TUSC3: variants seen among roughly 807,000 people sequenced by gnomAD.
TUSC3 encodes tumor suppressor candidate 3.
TUSC3 carries 45 observed loss-of-function variants against 44.8 expected under a neutral mutation model. That is an observed-to-expected ratio of 1.00 (90% CI 0.79 to 1.29). TUSC3 has a LOEUF of 1.29. Ranked by LOEUF, TUSC3 falls within the 50% of genes most tolerant of loss-of-function variation. The pLI, the probability that TUSC3 is intolerant of heterozygous loss-of-function variation, is 0.00. For missense variants in TUSC3, 519 were observed against 437.9 expected, an observed-to-expected ratio of 1.19 and a Z score of -1.65; for synonymous variants, 212 against 152.9, an observed-to-expected ratio of 1.39 and a Z score of -2.85.
At chr8:15,776,202 A>G in the TUSC3 span, among the ~76,000 whole-genome samples, 2 of 152,254 alleles carry the variant, frequency 1.3e-5, no homozygotes, top group East Asian at 3.9e-4. Flanking sequence ...CCTAATTTTA[A>G]AGCTAAAATT....
At chr8:15,748,637 G>T (rs1240084937) in intron 9 of TUSC3, 172 bp downstream of exon 9, 9 of 745,792 alleles carry the variant, frequency 1.2e-5, no homozygotes. Flanking sequence ...GTACACAAAG[G>T]AGATATAAGG....
At chr8:15,509,549 A>T (rs555679226) in intron 2 of TUSC3, among the ~76,000 whole-genome samples, 1 of 152,156 alleles carries the variant, frequency 6.6e-6, no homozygotes, top group Non-Finnish European at 1.5e-5. Flanking sequence ...CTGAGGTTGC[A>T]GTGAGCCGAG....
chr8:15,451,586 A>T (rs985210720), intron 1 of TUSC3, among the ~76,000 whole-genome samples: 1 of 152,178 alleles, frequency 6.6e-6, no homozygotes, highest in African/African-American at 2.4e-5. Flanking sequence ...CCCTTTCCCT[A>T]TACCTTGCCA....
intron 6 of TUSC3, among the ~76,000 whole-genome samples, chr8:15,684,601 G>A (rs1808552078): frequency 6.6e-6 from 1 of 152,256 alleles, no homozygotes; most frequent in East Asian, 1.9e-4. Flanking sequence ...CTGTCAGGCT[G>A]CGTTCCTCCC....
chr8:15,513,552 T>A (rs1295549769), intron 2 of TUSC3, among the ~76,000 whole-genome samples: 1 of 152,192 alleles, frequency 6.6e-6, no homozygotes, highest in Non-Finnish European at 1.5e-5. Context: ...TAAACTTAGG[T>A]CCTTTTTAGA....
At chr8:15,639,156 C>T (rs1273185333) in intron 2 of TUSC3, among the ~76,000 whole-genome samples, 1 of 148,510 alleles carries the variant, frequency 6.7e-6, no homozygotes, top group Non-Finnish European at 1.5e-5. Flanking sequence ...CAGTGATGAT[C>T]ATGTGTCGAT....
At chr8:15,783,136 T>G in the TUSC3 span, among the ~76,000 whole-genome samples, 1 of 151,940 alleles carries the variant, frequency 6.6e-6, no homozygotes, top group African/African-American at 2.4e-5. Context: ...TACTTAGGAG[T>G]AAATTTAACC....
At chr8:15,813,110 A>T in the TUSC3 span, among the ~76,000 whole-genome samples, 12 of 152,216 alleles carry the variant, frequency 7.9e-5, no homozygotes, top group Admixed American at 7.9e-4. Flanking sequence ...AGACAAAAAA[A>T]ATAAGAAAGG....
intron 1 of TUSC3, among the ~76,000 whole-genome samples, chr8:15,422,608 A>G (rs1253724471): frequency 1.3e-5 from 2 of 152,160 alleles, no homozygotes; most frequent in Non-Finnish European, 2.9e-5. Flanking sequence ...ACAATAAAAA[A>G]GTATAGTAAT....
At chr8:15,446,644 G>A (rs563784158) in intron 1 of TUSC3, among the ~76,000 whole-genome samples, 33 of 151,088 alleles carry the variant, frequency 2.2e-4, no homozygotes, top group Non-Finnish European at 3.4e-4. Flanking sequence ...GGAGAATCAG[G>A]CAGGGAGGTT....
intron 1 of TUSC3, among the ~76,000 whole-genome samples, chr8:15,463,697 T>A (rs1308414914): frequency 6.6e-6 from 1 of 152,178 alleles, no homozygotes; most frequent in Non-Finnish European, 1.5e-5. Flanking sequence ...ATCTTTTTCA[T>A]TCACCTGCAT....
At chr8:15,826,001 G>A in the TUSC3 span, among the ~76,000 whole-genome samples, 1 of 150,926 alleles carries the variant, frequency 6.6e-6, no homozygotes, top group African/African-American at 2.4e-5. Flanking sequence ...GTGCTGATGT[G>A]AGCCAGTTTT....
chr8:15,846,721 G>C, the TUSC3 span, among the ~76,000 whole-genome samples: 3 of 152,066 alleles, frequency 2.0e-5, no homozygotes, highest in African/African-American at 7.2e-5. Flanking sequence ...GCCTGTGGTG[G>C]GGTGAAGGGC....
chr8:15,792,119 AACAC>A, the TUSC3 span, among the ~76,000 whole-genome samples: 38,679 of 149,894 alleles, frequency 0.26, 5,152 homozygotes, highest in East Asian at 0.35. Flanking sequence ...GCCAACCTCT[AACAC>A]ACACACACAC....
At chr8:15,459,891 C>G (rs769885577) in intron 1 of TUSC3, among the ~76,000 whole-genome samples, 2 of 151,222 alleles carry the variant, frequency 1.3e-5, no homozygotes, top group Non-Finnish European at 2.9e-5. Flanking sequence ...TACATACATA[C>G]ATACATACAT....
the TUSC3 span, among the ~76,000 whole-genome samples, chr8:15,850,813 AT>A: frequency 6.6e-6 from 1 of 152,250 alleles, no homozygotes; most frequent in African/African-American, 2.4e-5. Context: ...TGTGAACAAC[AT>A]AAAAGGCCAC....
chr8:15,588,035 C>G (rs1232071909), intron 1 of TUSC3, among the ~76,000 whole-genome samples: 1 of 152,056 alleles, frequency 6.6e-6, no homozygotes, highest in Non-Finnish European at 1.5e-5. Flanking sequence ...CTGCAGGTAT[C>G]TTTTTAATAT....
rs185172579 is a variant in TUSC3, at chr8:15,692,200, G to T, written c.798+18364G>T. ...CTTGATCATGGTGGATTAACTTTTTGATGTACTGCTGGATTTAGTTTGCTA... is the reference window on the plus strand; with the variant it reads ...CTTGATCATGGTGGATTAACTTTTTTATGTACTGCTGGATTTAGTTTGCTA... On this transcript the variant is annotated intron_variant, in intron 6 of 10. Transcript: ENST00000503731. 2.4e-3 allele frequency among the ~76,000 whole-genome samples: 359 copies of T among 152,162 alleles called. 1 individual carries two copies. Among genetic ancestry groups the T allele is most frequent in the African/African-American group, 8.2e-3 (340 of 41,508 alleles).
At chr8:15,528,939 C>G (rs1202714586) in intron 2 of TUSC3, among the ~76,000 whole-genome samples, 1 of 152,120 alleles carries the variant, frequency 6.6e-6, no homozygotes, top group Non-Finnish European at 1.5e-5. Context: ...ATGACCTTTA[C>G]CTTACTCTTT....
Sources: allele counts gnomAD v4.1 joint callset (sites outside exome capture counted in the v4.1 genomes callset), GRCh38; gene constraint gnomAD v4.1.1; transcripts MANE v1.5; gene names NCBI Gene and HGNC (gene_info 2026-07-23, HGNC 2026-07-21).